CCDC50: variants seen among roughly 807,000 people sequenced by gnomAD.
CCDC50 encodes the protein coiled-coil domain-containing protein 50.
CCDC50 carries 54 observed loss-of-function variants against 70.2 expected under a neutral mutation model. The ratio of observed to expected loss-of-function variants is 0.77; its 90% confidence interval spans 0.62 to 0.96. CCDC50 has a LOEUF of 0.96. Among genes scored for constraint, CCDC50 ranks in the 50% least tolerant of loss-of-function variants. The pLI is 0.00. For synonymous variants in CCDC50, 216 were observed against 198.8 expected, an observed-to-expected ratio of 1.09 and a Z score of -0.73; for missense variants, 558 against 578.7, an observed-to-expected ratio of 0.96 and a Z score of 0.37.
chr3:191,386,854 T>A (rs1713514622), intron 10 of CCDC50, among the ~76,000 whole-genome samples: 1 of 152,222 alleles, frequency 6.6e-6, no homozygotes, highest in Non-Finnish European at 1.5e-5. Context: ...AGAGGATCAC[T>A]TAGCAATCTG....
intron 10 of CCDC50, among the ~76,000 whole-genome samples, chr3:191,387,828 A>G (rs1400814236): frequency 1.3e-5 from 2 of 152,076 alleles, no homozygotes; most frequent in East Asian, 3.9e-4. Context: ...TGTCTTTCTG[A>G]TTTTTGACTG....
At chr3:191,334,151 CAT>C (rs1203310107) in intron 1 of CCDC50, among the ~76,000 whole-genome samples, 1 of 152,140 alleles carries the variant, frequency 6.6e-6, no homozygotes, top group East Asian at 1.9e-4. Context: ...CTGTGTGCCA[CAT>C]GTTGTGTTGA....
chr3:191,376,809 G>A (rs568816192), intron 6 of CCDC50, among the ~76,000 whole-genome samples: 2 of 152,216 alleles, frequency 1.3e-5, no homozygotes, highest in Non-Finnish European at 2.9e-5. Flanking sequence ...GTCTTGAGTA[G>A]GTTTATGAGG....
At chr3:191,365,376 C>G (rs80166215) in intron 4 of CCDC50, among the ~76,000 whole-genome samples, 4,763 of 151,822 alleles carry the variant, frequency 0.031, 111 homozygotes, top group Non-Finnish European at 0.046. Flanking sequence ...TTTACACATT[C>G]TTTGGTAATA....
At chr3:191,359,221 T>G (rs1270706546) in intron 3 of CCDC50, among the ~76,000 whole-genome samples, 1 of 152,172 alleles carries the variant, frequency 6.6e-6, no homozygotes, top group Admixed American at 6.5e-5. Context: ...GTGTTTAATC[T>G]GAAACTTGAA....
chr3:191,391,338 C>G (rs1298239308), intron 11 of CCDC50, among the ~76,000 whole-genome samples: 1 of 152,124 alleles, frequency 6.6e-6, no homozygotes, highest in Non-Finnish European at 1.5e-5. Flanking sequence ...GAAGCTCCCC[C>G]ACCCCCACAT....
In CCDC50 at chr3:191,375,365, G is replaced by A. The variant is rs763868945; in HGVS notation, c.752G>A (p.Cys251Tyr). ...ISGEVFLSTECDDWETKINHQ... is the reference protein window; with the variant it reads ...ISGEVFLSTEYDDWETKINHQ... ...GGTGAAGTGTTTCTGAGCACTGAAT[G>A]TGATGACTGGGAGACTAAGATTAAC... Residue 251 changes from cysteine to tyrosine, a missense_variant, in exon 6 of 12, where the codon TGT (cysteine) becomes TAT (tyrosine). Cys to Tyr is a radical substitution (Grantham distance 194). Transcript: ENST00000392455. 6.2e-7 allele frequency: 1 copy of A among 1,613,772 alleles called. No homozygotes were observed. Among genetic ancestry groups the A allele is most frequent in the Admixed American group, 1.7e-5 (1 of 59,950 alleles).
At chr3:191,373,627 G>A (rs1278874361) in intron 5 of CCDC50, among the ~76,000 whole-genome samples, 1 of 152,042 alleles carries the variant, frequency 6.6e-6, no homozygotes, top group Non-Finnish European at 1.5e-5. Context: ...ATGTTGTCAC[G>A]ATAGTCTTAA....
chr3:191,339,060 T>C (rs893396263), intron 1 of CCDC50, among the ~76,000 whole-genome samples: 2 of 152,156 alleles, frequency 1.3e-5, no homozygotes, highest in African/African-American at 2.4e-5. Context: ...AAGTCAAACA[T>C]AGCATGTATT....
At chr3:191,387,744 T>C (rs890532748) in intron 10 of CCDC50, among the ~76,000 whole-genome samples, 1 of 151,298 alleles carries the variant, frequency 6.6e-6, no homozygotes, top group Non-Finnish European at 1.5e-5. Flanking sequence ...TTCATAACTT[T>C]AGCATACTTT....
intron 1 of CCDC50, among the ~76,000 whole-genome samples, chr3:191,349,966 A>ACTCCTCCCCCC (rs1712049355): frequency 9.5e-6 from 1 of 105,622 alleles, no homozygotes; most frequent in Non-Finnish European, 2.2e-5. Context: ...ATTTAATAAT[A>ACTCCTCCCCCC]CCCCCCCCCT....
In CCDC50 at chr3:191,329,940, GT is replaced by G. The variant is rs1322338326; in HGVS notation, c.49+219del. On this transcript the variant is annotated intron_variant, in intron 1 of 11. Coordinates refer to ENST00000392455, the MANE Select transcript of CCDC50 (RefSeq NM_178335.3). ...AAGCCCGTTTTTTCTCAAGGGGGTG[GT>G]TGGGGGGGGGGGGGGCTAGCAGCAG... Among the ~76,000 whole-genome samples, 32 of 85,744 alleles carry G rather than the reference GT, an allele frequency of 3.7e-4. 1 individual carries two copies. In the East Asian group the frequency reaches 5.3e-3, roughly 14 times the overall value. The allele number at this position is 85,744 out of a possible 152,430, so 56.3% of individuals were successfully genotyped here.
At chr3:191,388,040 G>A (rs1713557201) in intron 10 of CCDC50, among the ~76,000 whole-genome samples, 1 of 151,688 alleles carries the variant, frequency 6.6e-6, no homozygotes, top group Admixed American at 6.6e-5. Flanking sequence ...AAAATATCAG[G>A]TATTGGAGAA....
rs1240662241 is a variant in CCDC50 at position 191,366,213 on chromosome 3, T to G, written c.331-3706T>G. On this transcript the variant is annotated intron_variant, in intron 4 of 11. Transcript: ENST00000392455. ...TTAATGATATTTATCAATCCCCTAC[T>G]GCTCATAGCACTATTCTTTAAAGCT... Among the ~76,000 whole-genome samples the G allele has an allele frequency of 2.6e-5, 4 of 152,318 alleles. No individual in the cohort carries two copies. The East Asian group carries it at 5.8e-4, about 22-fold the overall frequency.
intron 1 of CCDC50, among the ~76,000 whole-genome samples, chr3:191,349,979 C>CT (rs1192449041): frequency 1.6e-4 from 20 of 125,208 alleles, no homozygotes; most frequent in African/African-American, 3.6e-4. Flanking sequence ...CCCCCCCTCC[C>CT]TTTTTTTTTC....
chr3:191,370,042 A>G lies in CCDC50; in HGVS notation c.448+6A>G. ...TTACTATTATGAAGATGGAGGTAAC[A>G]ATTCCTGCATCATGATCTATTCTAT... On this transcript the variant is annotated splice_donor_region_variant and intron_variant, in intron 5 of 11. Transcript: ENST00000392455. The G allele has an allele frequency of 6.6e-7, 1 of 1,524,654 alleles. No individual in the cohort carries two copies. Among genetic ancestry groups the G allele is most frequent in the Non-Finnish European group, 9.1e-7 (1 of 1,099,110 alleles). The allele number at this position is 1,524,654 out of a possible 1,614,324, so 94.4% of individuals were successfully genotyped here.
intron 11 of CCDC50, 141 bp from the exon 12 acceptor site, chr3:191,391,600 T>C: frequency 1.3e-6 from 1 of 770,402 alleles, no homozygotes; most frequent in Non-Finnish European, 2.2e-6. Context: ...ACATTGATTC[T>C]GTATATATGT....
At chr3:191,382,371 C>T (rs930659546) in intron 9 of CCDC50, among the ~76,000 whole-genome samples, 2 of 152,128 alleles carry the variant, frequency 1.3e-5, no homozygotes, top group Non-Finnish European at 2.9e-5. Flanking sequence ...AGACTCTGGG[C>T]GTGCACTGGT....
chr3:191,356,719 G>C (rs981101052), intron 1 of CCDC50, among the ~76,000 whole-genome samples: 3 of 152,164 alleles, frequency 2.0e-5, no homozygotes, highest in Non-Finnish European at 4.4e-5. Flanking sequence ...TCTCTCAGTA[G>C]CAATATGCAA....
Sources: allele counts gnomAD v4.1 joint callset (sites outside exome capture counted in the v4.1 genomes callset), GRCh38; gene constraint gnomAD v4.1.1; transcripts MANE v1.5; gene names NCBI Gene and HGNC (gene_info 2026-07-23, HGNC 2026-07-21).